Variants in CADPS2 observed in about 807,000 individuals in gnomAD.
CADPS2 encodes calcium-dependent secretion activator 2.
In CADPS2, 93 loss-of-function variants were observed where a neutral mutation model predicts 172.5. That is an observed-to-expected ratio of 0.54 (90% CI 0.46 to 0.64). CADPS2 has a LOEUF of 0.64. CADPS2 is among the 30% of genes least tolerant of loss of function. The pLI, the probability that CADPS2 is intolerant of heterozygous loss-of-function variation, is 0.00. For synonymous variants in CADPS2, 546 were observed against 555.2 expected, an observed-to-expected ratio of 0.98 and a Z score of 0.23; for missense variants, 1,420 against 1,565.9, an observed-to-expected ratio of 0.91 and a Z score of 1.57.
chr7:122,636,645 T>C (rs909474005), intron 3 of CADPS2, among the ~76,000 whole-genome samples: 1 of 152,040 alleles, frequency 6.6e-6, no homozygotes, highest in Non-Finnish European at 1.5e-5. Context: ...TTTGTATTTT[T>C]AGTAAAGACA....
At chr7:122,396,052 C>T (rs889934097) in intron 20 of CADPS2, among the ~76,000 whole-genome samples, 3 of 152,152 alleles carry the variant, frequency 2.0e-5, no homozygotes, top group Non-Finnish European at 2.9e-5. Flanking sequence ...TCAGGTGATC[C>T]ACCCGCCTCG....
chr7:122,537,006 A>T (rs1250541521), intron 8 of CADPS2, among the ~76,000 whole-genome samples: 1 of 152,016 alleles, frequency 6.6e-6, no homozygotes, highest in East Asian at 1.9e-4. Flanking sequence ...AAGACCACAT[A>T]CTGAGACTTT....
rs540590831 is a variant in CADPS2 at position 122,795,472 on chromosome 7, A to G, written c.340-58404T>C. ...AAATTGAATCCTTAATGAACAGCCT[A>G]AAAGCAAACTGAATCCGGCATCACT... On this transcript the variant is annotated intron_variant, in intron 1 of 29. Transcript: ENST00000449022. Among the ~76,000 whole-genome samples, 173 of 152,250 alleles carry G rather than the reference A, an allele frequency of 1.1e-3. 5 individuals carry two copies. In the South Asian group the frequency reaches 0.034, roughly 30 times the overall value.
intron 2 of CADPS2, among the ~76,000 whole-genome samples, chr7:122,678,178 T>C (rs936481979): frequency 2.0e-5 from 3 of 152,214 alleles, no homozygotes; most frequent in Admixed American, 6.5e-5. Flanking sequence ...TTTTCATGAA[T>C]TCAAAGTGAA....
At chr7:122,830,005 T>G (rs1463941927) in intron 1 of CADPS2, among the ~76,000 whole-genome samples, 3 of 144,266 alleles carry the variant, frequency 2.1e-5, no homozygotes, top group Non-Finnish European at 4.5e-5. Flanking sequence ...TTATGCCTTA[T>G]ACCACAATAT....
At chr7:122,423,979 A>G (rs2048845590) in intron 17 of CADPS2, among the ~76,000 whole-genome samples, 1 of 152,128 alleles carries the variant, frequency 6.6e-6, no homozygotes, top group Admixed American at 6.5e-5. Context: ...TTTTATATAA[A>G]CCTCATTTCA....
At chr7:122,688,696 C>T (rs12668965) in intron 2 of CADPS2, among the ~76,000 whole-genome samples, 23,319 of 152,046 alleles carry the variant, frequency 0.15, 2,157 homozygotes, top group East Asian at 0.27. Flanking sequence ...GGCAATGATA[C>T]CTTTTACAAA....
intron 1 of CADPS2, 93 bp downstream of exon 1, chr7:122,885,906 G>A: frequency 7.0e-7 from 1 of 1,421,918 alleles, no homozygotes; most frequent in Non-Finnish European, 9.7e-7. Context: ...GGTGTCCTGC[G>A]TTTCGCAGAA....
chr7:122,542,027 A>G (rs1051211179), intron 8 of CADPS2, among the ~76,000 whole-genome samples: 5 of 151,614 alleles, frequency 3.3e-5, no homozygotes, highest in African/African-American at 1.2e-4. Context: ...TAAATTATCT[A>G]TTGTGTAATG....
At chr7:122,505,352 C>T (rs1359672124) in intron 9 of CADPS2, among the ~76,000 whole-genome samples, 1 of 152,050 alleles carries the variant, frequency 6.6e-6, no homozygotes, top group African/African-American at 2.4e-5. Flanking sequence ...TTAAATGAGA[C>T]AATTATTTTT....
chr7:122,578,812 T>C (rs2068405540), intron 7 of CADPS2, among the ~76,000 whole-genome samples: 1 of 152,134 alleles, frequency 6.6e-6, no homozygotes, highest in South Asian at 2.1e-4. Context: ...AGACTCTTTA[T>C]GTGAAATGAT....
intron 2 of CADPS2, among the ~76,000 whole-genome samples, chr7:122,709,601 T>C (rs1452364533): frequency 6.6e-6 from 1 of 151,674 alleles, no homozygotes; most frequent in Non-Finnish European, 1.5e-5. Context: ...TAAAGACACA[T>C]GCACACGTAT....
chr7:122,818,872 T>C (rs971259255), intron 1 of CADPS2, among the ~76,000 whole-genome samples: 1 of 152,188 alleles, frequency 6.6e-6, no homozygotes, highest in Non-Finnish European at 1.5e-5. Flanking sequence ...TCATGACTTG[T>C]TTGGCAGCAA....
At chr7:122,423,247 C>A (rs975413194) in intron 17 of CADPS2, among the ~76,000 whole-genome samples, 3 of 152,018 alleles carry the variant, frequency 2.0e-5, no homozygotes, top group Non-Finnish European at 4.4e-5. Context: ...CAATCCTGGC[C>A]ACATCTCAAT....
At chr7:122,413,472 A>G (rs1319514645) in intron 19 of CADPS2, among the ~76,000 whole-genome samples, 1 of 152,188 alleles carries the variant, frequency 6.6e-6, no homozygotes, top group Non-Finnish European at 1.5e-5. Flanking sequence ...GAAATTGTTG[A>G]AGGATAGAAA....
intron 1 of CADPS2, among the ~76,000 whole-genome samples, chr7:122,846,292 A>G (rs905910716): frequency 2.0e-5 from 3 of 152,230 alleles, no homozygotes; most frequent in African/African-American, 4.8e-5. Flanking sequence ...AGCTGTAAAG[A>G]TTGTACACTA....
chr7:122,336,469 A>T (rs2035870887), intron 28 of CADPS2, among the ~76,000 whole-genome samples: 1 of 152,230 alleles, frequency 6.6e-6, no homozygotes, highest in African/African-American at 2.4e-5. Flanking sequence ...GGCACTAGAG[A>T]CCAGTTGAAA....
chr7:122,690,156 AAAC>A (rs1398704491), intron 2 of CADPS2, among the ~76,000 whole-genome samples: 1 of 152,190 alleles, frequency 6.6e-6, no homozygotes, highest in Non-Finnish European at 1.5e-5. Flanking sequence ...CTTACAGCTG[AAAC>A]AACAAAGCAA....
chr7:122,339,656 G>A (rs1046547298), intron 28 of CADPS2, among the ~76,000 whole-genome samples: 2 of 152,196 alleles, frequency 1.3e-5, no homozygotes, highest in Non-Finnish European at 2.9e-5. Context: ...GGAGGTGGAG[G>A]CAGACAGATC....
Sources: gnomAD v4.1 joint callset for allele counts (sites outside exome capture counted in the v4.1 genomes callset) on GRCh38, gnomAD v4.1.1 for gene constraint, MANE v1.5 for transcripts, NCBI Gene and HGNC (gene_info 2026-07-23, HGNC 2026-07-21) for gene names.